The following CNDP1 variants were observed in gnomAD, a reference collection of about 807,000 sequenced individuals.
The protein encoded by CNDP1 is carnosine dipeptidase 1, also known as beta-Ala-His dipeptidase.
Under a neutral mutation model 58.1 loss-of-function variants are expected in CNDP1, and 44 were observed. That is an observed-to-expected ratio of 0.76 (90% confidence interval 0.60 to 0.97). The LOEUF (loss-of-function observed/expected upper bound fraction) is 0.97. Among genes scored for constraint, CNDP1 ranks in the 50% least tolerant of loss-of-function variants. CNDP1 has a pLI of 0.00. For synonymous variants in CNDP1, 254 were observed against 252.6 expected (o/e 1.01, Z -0.05); for missense variants, 616 against 655.1 (o/e 0.94, Z 0.65).
intron 1 of CNDP1, among the ~76,000 whole-genome samples, chr18:74,540,126 G>T (rs1980580409): frequency 6.6e-6 from 1 of 151,208 alleles, no homozygotes; most frequent in Non-Finnish European, 1.5e-5. Flanking sequence ...ATCTAAATAG[G>T]ATCTACACTT....
rs572696849 is a variant in CNDP1 at position 74,578,585 on chromosome 18, C to T, written c.1167+258C>T. Among the ~76,000 whole-genome samples the T allele has an allele frequency of 2.8e-4, 42 of 152,190 alleles. 1 individual carries two copies. The highest frequency in any genetic ancestry group is 1.7e-3 in the Admixed American group (26 of 15,294). On this transcript the variant is annotated intron_variant, in intron 9 of 11. Transcript: ENST00000358821. The stretch of plus-strand genomic sequence containing the variant: ...AAGGCTGCAGTGAGCTATGATAGCA[C>T]CACTGCACTCCAGCCTGGGTGACAG...
intron 9 of CNDP1, among the ~76,000 whole-genome samples, chr18:74,579,188 T>TTCCCTTC (rs1568300947): frequency 2.5e-5 from 3 of 118,420 alleles, no homozygotes; most frequent in Non-Finnish European, 3.5e-5. Context: ...CTTCTCCCTT[T>TTCCCTTC]CCTTCCCTTC....
At position 74,545,547 on chromosome 18, in the gene CNDP1, C is replaced by T. The variant is rs945007380; in HGVS notation, c.25-10791C>T. On this transcript the variant is annotated intron_variant, in intron 1 of 11. Coordinates refer to ENST00000358821, the MANE Select transcript of CNDP1 (RefSeq NM_032649.6). This position sits in a 1 kb window ranked among gnomAD's most constrained non-coding sequence, Gnocchi z 4.1. ...CTTGGCCCACGGTCCCACCAAAACC[C>T]TGCCAGGCTCTCCTCTCCTGACTCC... Among the ~76,000 whole-genome samples, 2 of 152,198 alleles carry T rather than the reference C, an allele frequency of 1.3e-5. No individual in the cohort carries two copies. Among genetic ancestry groups the T allele is most frequent in the Non-Finnish European group, 2.9e-5 (2 of 68,038 alleles).
intron 1 of CNDP1, among the ~76,000 whole-genome samples, chr18:74,551,444 G>C (rs910303333): frequency 2.0e-5 from 3 of 151,876 alleles, no homozygotes; most frequent in African/African-American, 7.3e-5. Flanking sequence ...TGGAGTCTCA[G>C]ATCCCACTCA....
At position 74,585,969 on chromosome 18, in the gene CNDP1, G is replaced by C. The variant is rs1433914804; in HGVS notation, c.*1407G>C. ...GGATCATGCCACTGCACTCCAGCCTGGGCGACAGAGTGAGACTCCGTCTCC... is the reference window on the plus strand; with the variant it reads ...GGATCATGCCACTGCACTCCAGCCTCGGCGACAGAGTGAGACTCCGTCTCC... On this transcript the variant is annotated 3_prime_UTR_variant, in exon 12 of 12. Coordinates refer to ENST00000358821, the MANE Select transcript of CNDP1 (RefSeq NM_032649.6). The C allele has an allele frequency of 2.9e-5, 4 of 136,106 alleles. No individual in the cohort carries two copies. The highest frequency in any genetic ancestry group is 5.5e-5 in the African/African-American group (2 of 36,146). 8.4% of individuals were successfully genotyped at this position (136,106 alleles called of 1,614,324 possible). A position where few individuals can be genotyped will look rare whatever the true frequency, so the allele number is the denominator to read the frequency against.
chr18:74,538,158 A>G (rs1485809911), intron 1 of CNDP1, among the ~76,000 whole-genome samples: 1 of 152,218 alleles, frequency 6.6e-6, no homozygotes, highest in East Asian at 1.9e-4. Flanking sequence ...CCTCAGAAAG[A>G]AACCCATACC....
In CNDP1 at chr18:74,559,452, G is replaced by A; in HGVS notation, c.283G>A (p.Val95Met). Residue 95 changes from valine to methionine, a missense_variant, in exon 3 of 12, where the codon GTG becomes ATG. Transcript: ENST00000358821. Reference sequence around the variant, plus strand: ...GCGCCTGGGGGCCCGTGTGGCCTCGGTGGACATGGGTCCTCAGCAGGTGCT... The same window carrying A: ...GCGCCTGGGGGCCCGTGTGGCCTCGATGGACATGGGTCCTCAGCAGGTGCT... The part of the protein sequence containing the change: ...LQRLGARVAS[V>M]DMGPQQLPDG... The A allele has an allele frequency of 6.2e-7, 1 of 1,609,700 alleles. No individual in the cohort carries two copies. The highest frequency in any genetic ancestry group is 1.3e-5 in the African/African-American group (1 of 75,032).
Position 74,576,876 on chromosome 18 carries a change from G to C in CNDP1, c.849G>C (p.Leu283=), listed in dbSNP as rs752761030. The change falls in exon 8 of 12, where the codon CTG becomes CTC. Residue 283 remains leucine, a synonymous_variant. Coordinates refer to ENST00000358821, the MANE Select transcript of CNDP1 (RefSeq NM_032649.6). The part of the protein sequence containing the change: ...MADLVALLGS[L]VDSSGHILVP... The stretch of plus-strand genomic sequence containing the variant: ...TCTGTGTGTGTTTTGTAGGTAGCCT[G>C]GTAGACTCGTCTGGTCATATCCTGG... 3.7e-6 allele frequency: 6 copies of C among 1,606,912 alleles called. No homozygotes were observed. The highest frequency in any genetic ancestry group is 4.2e-6 in the Non-Finnish European group (5 of 1,177,100).
intron 3 of CNDP1, among the ~76,000 whole-genome samples, chr18:74,560,296 G>A (rs1290719057): frequency 6.6e-6 from 1 of 152,190 alleles, no homozygotes; most frequent in Non-Finnish European, 1.5e-5. Context: ...TTACAGGCAT[G>A]AGCCACCGTG....
At chr18:74,564,198 G>A (rs1981270999) in intron 5 of CNDP1, among the ~76,000 whole-genome samples, 1 of 152,174 alleles carries the variant, frequency 6.6e-6, no homozygotes, top group Admixed American at 6.5e-5. Context: ...TGATTACAGT[G>A]TGTGCGGTGT....
chr18:74,571,379 G>C (rs181330582), intron 7 of CNDP1, 109 bp downstream of exon 7: 1 of 727,928 alleles, frequency 1.4e-6, no homozygotes, highest in Non-Finnish European at 2.4e-6. Context: ...CTGAACAAGG[G>C]TGTAGATGCT....
intron 10 of CNDP1, among the ~76,000 whole-genome samples, chr18:74,581,596 G>A (rs1334593410): frequency 6.6e-6 from 1 of 152,196 alleles, no homozygotes; most frequent in East Asian, 1.9e-4. Flanking sequence ...TCCCCAGAAG[G>A]CAGCACAGCT....
intron 1 of CNDP1, among the ~76,000 whole-genome samples, chr18:74,546,988 T>C (rs1980776242): frequency 6.6e-6 from 1 of 152,222 alleles, no homozygotes; most frequent in Admixed American, 6.5e-5. Flanking sequence ...TTTTGCTCCC[T>C]GGAGTTTCTC....
chr18:74,575,035 G>A lies in CNDP1; in HGVS notation c.842-1834G>A, dbSNP rs569683318. ...AGGGGAAGGAAAGGAAGGGAGGGAT[G>A]GAGGGAAGGAAGGAGAGAAAGGAAA... On this transcript the variant is annotated intron_variant, in intron 7 of 11. Transcript: ENST00000358821. 3.8e-3 allele frequency among the ~76,000 whole-genome samples: 556 copies of A among 147,538 alleles called. 6 individuals carry two copies. The highest frequency in any genetic ancestry group is 0.019 in the South Asian group (88 of 4,552).
chr18:74,552,299 A>T (rs529464923), intron 1 of CNDP1, among the ~76,000 whole-genome samples: 1 of 152,252 alleles, frequency 6.6e-6, no homozygotes, highest in Admixed American at 6.5e-5. Context: ...TATAATTCTT[A>T]TACCTTACAA....
chr18:74,580,132 G>A lies in CNDP1; in HGVS notation c.1170G>A (p.Val390=). The A allele has an allele frequency of 6.2e-7, 1 of 1,612,404 alleles. No individual in the cohort carries two copies. The change falls in exon 10 of 12, where the codon GTG becomes GTA. Residue 390 remains valine (V), a splice_region_variant and synonymous_variant. Coordinates refer to ENST00000358821, the MANE Select transcript of CNDP1 (RefSeq NM_032649.6). ...TCATTGAAAATGTCACCTTTTAGGT[G>A]ACACGACATCTTGAAGATGTGTTCT... ...HMNVSAVEKQ[V]TRHLEDVFSK...
Position 74,562,069 on chromosome 18 carries a change from G to A in CNDP1, c.489G>A (p.Ala163=), listed in dbSNP as rs562967819. The part of the protein sequence containing the change: ...EVDGKLYGRG[A]TDNKGPVLAW... Reference sequence around the variant, plus strand: ...AAGGGAAACTTTATGGACGAGGAGCGACCGACAACAAAGGCCCTGTCTTGG... The same window carrying A: ...AAGGGAAACTTTATGGACGAGGAGCAACCGACAACAAAGGCCCTGTCTTGG... Residue 163 remains alanine, a synonymous_variant, in exon 5 of 12, where the codon GCG becomes GCA. Coordinates refer to ENST00000358821, the MANE Select transcript of CNDP1 (RefSeq NM_032649.6). The A allele has an allele frequency of 8.2e-5, 133 of 1,613,912 alleles. No homozygotes were observed. Among genetic ancestry groups the A allele is most frequent in the Middle Eastern group, 1.6e-4 (1 of 6,084 alleles).
chr18:74,575,421 G>C (rs1221262742), intron 7 of CNDP1, among the ~76,000 whole-genome samples: 6 of 152,226 alleles, frequency 3.9e-5, no homozygotes, highest in East Asian at 1.9e-4. Flanking sequence ...TGCATTATCA[G>C]TGGGGACTCA....
intron 7 of CNDP1, among the ~76,000 whole-genome samples, chr18:74,572,760 C>T (rs1313732688): frequency 8.0e-6 from 1 of 124,254 alleles, no homozygotes; most frequent in African/African-American, 3.2e-5. Flanking sequence ...CACTGTACTG[C>T]AGCCTGGGCA....
Sources: allele counts gnomAD v4.1 joint callset (sites outside exome capture counted in the v4.1 genomes callset), GRCh38; gene constraint gnomAD v4.1.1; non-coding constraint Gnocchi (gnomAD v3.1); transcripts MANE v1.5; gene names NCBI Gene and HGNC (gene_info 2026-07-23, HGNC 2026-07-21).